GRIN3A: variants seen among roughly 807,000 people sequenced by gnomAD.
GRIN3A encodes the protein glutamate receptor ionotropic, NMDA 3A.
GRIN3A carries 47 observed loss-of-function variants against 92.4 expected under a neutral mutation model. The ratio of observed to expected loss-of-function variants is 0.51; its 90% confidence interval spans 0.40 to 0.65. The LOEUF (loss-of-function observed/expected upper bound fraction) is 0.65. GRIN3A is among the 30% of genes least tolerant of loss of function. The pLI is 0.00. For missense variants in GRIN3A, 1,324 were observed against 1,393.1 expected, an observed-to-expected ratio of 0.95 and a Z score of 0.79; for synonymous variants, 527 against 540.6, an observed-to-expected ratio of 0.97 and a Z score of 0.35.
chr9:101,604,544 C>T (rs183926505), intron 6 of GRIN3A, among the ~76,000 whole-genome samples: 20 of 152,268 alleles, frequency 1.3e-4, no homozygotes, highest in Middle Eastern at 3.4e-3. Flanking sequence ...TTGATATACA[C>T]GAGTTTTCAA....
intron 6 of GRIN3A, among the ~76,000 whole-genome samples, chr9:101,590,389 TTTA>T (rs879450311): frequency 1.5e-3 from 211 of 141,420 alleles, no homozygotes; most frequent in Non-Finnish European, 2.4e-3. Context: ...TATTTATTTA[TTTA>T]TTTTTTTGAG....
intron 3 of GRIN3A, among the ~76,000 whole-genome samples, chr9:101,639,289 T>G (rs1828822873): frequency 6.6e-6 from 1 of 152,000 alleles, no homozygotes; most frequent in African/African-American, 2.4e-5. Flanking sequence ...TTGTCAGGAC[T>G]GGGGCTGAAC....
At chr9:101,714,108 G>T (rs902984287) in intron 1 of GRIN3A, among the ~76,000 whole-genome samples, 3 of 151,998 alleles carry the variant, frequency 2.0e-5, no homozygotes, top group Admixed American at 2.0e-4. Context: ...GAAACTAAAC[G>T]CTGTAGAACA....
intron 6 of GRIN3A, among the ~76,000 whole-genome samples, chr9:101,596,780 G>C (rs1828139175): frequency 6.6e-6 from 1 of 152,214 alleles, no homozygotes; most frequent in Admixed American, 6.5e-5. Context: ...TTTGTTGGAA[G>C]AATCTCACAT....
chr9:101,647,139 T>C (rs2118910092), intron 3 of GRIN3A, among the ~76,000 whole-genome samples: 1 of 152,066 alleles, frequency 6.6e-6, no homozygotes, highest in East Asian at 1.9e-4. Context: ...GTCTGTCATA[T>C]ACGGCTTTTG....
intron 3 of GRIN3A, among the ~76,000 whole-genome samples, chr9:101,642,833 T>G (rs145797665): frequency 7.5e-4 from 114 of 152,262 alleles, no homozygotes; most frequent in African/African-American, 2.6e-3. Context: ...TATGAGAATC[T>G]AATGATTCTG....
rs775690934 is a variant in GRIN3A, at chr9:101,670,317, T to C, written c.2095A>G (p.Ser699Gly). 2 of 1,614,042 alleles carry C rather than the reference T, an allele frequency of 1.2e-6. No individual in the cohort carries two copies. Among genetic ancestry groups the C allele is most frequent in the Non-Finnish European group, 1.7e-6 (2 of 1,179,958 alleles). ...CCCTTGGGAGTCAAACCAAATGGAC[T>C]CTTCCATTCATACAGAGTGAGGAAG... ...AVFLTLYEWKSPFGLTPKGRN... is the reference protein window; with the variant it reads ...AVFLTLYEWKGPFGLTPKGRN... The change falls in exon 3 of 9, where the codon AGT (serine) becomes GGT (glycine). Residue 699 changes from serine (S) to glycine (G), a missense_variant. Transcript: ENST00000361820.
intron 1 of GRIN3A, among the ~76,000 whole-genome samples, chr9:101,708,033 A>G (rs1036924398): frequency 2.6e-5 from 4 of 152,178 alleles, no homozygotes; most frequent in Non-Finnish European, 4.4e-5. Context: ...TGTGGGGGGT[A>G]AGGGCCAGTC....
chr9:101,575,172 C>T (rs1185389171), intron 8 of GRIN3A, among the ~76,000 whole-genome samples: 1 of 152,158 alleles, frequency 6.6e-6, no homozygotes, highest in Non-Finnish European at 1.5e-5. Context: ...CTTTAACATG[C>T]CTCATAGTCT....
intron 3 of GRIN3A, among the ~76,000 whole-genome samples, chr9:101,628,623 T>TACAAA (rs1170242039): frequency 5.3e-5 from 8 of 152,098 alleles, no homozygotes; most frequent in Non-Finnish European, 8.8e-5. Flanking sequence ...AAACAAAAAA[T>TACAAA]ACAAAACAAT....
chr9:101,615,055 T>C (rs1251386574), intron 5 of GRIN3A, among the ~76,000 whole-genome samples: 2 of 152,092 alleles, frequency 1.3e-5, no homozygotes, highest in Non-Finnish European at 1.5e-5. Context: ...AGAGTTTTAT[T>C]AGTCAGCTTA....
chr9:101,638,873 T>C (rs921539468), intron 3 of GRIN3A, among the ~76,000 whole-genome samples: 2 of 152,190 alleles, frequency 1.3e-5, no homozygotes, highest in African/African-American at 4.8e-5. Context: ...AAATGGCTAA[T>C]TGAAAGAGTT....
intron 3 of GRIN3A, among the ~76,000 whole-genome samples, chr9:101,633,129 G>A (rs914542515): frequency 7.2e-5 from 11 of 152,084 alleles, no homozygotes; most frequent in Admixed American, 2.0e-4. Context: ...GCGAACTCGG[G>A]AAATAATCAA....
chr9:101,688,911 C>G (rs1390384165), intron 1 of GRIN3A, among the ~76,000 whole-genome samples: 2 of 152,060 alleles, frequency 1.3e-5, no homozygotes, highest in Non-Finnish European at 2.9e-5. Context: ...GTGACAAGAT[C>G]AGATGTGAGA....
chr9:101,594,437 A>C, intron 6 of GRIN3A: 1 of 1,610,872 alleles, frequency 6.2e-7, no homozygotes, highest in Non-Finnish European at 8.5e-7. Flanking sequence ...CTTCTTGTGG[A>C]TCTCCAGGTC....
intron 4 of GRIN3A, among the ~76,000 whole-genome samples, chr9:101,625,312 C>T (rs1243281165): frequency 6.6e-6 from 1 of 152,116 alleles, no homozygotes; most frequent in Non-Finnish European, 1.5e-5. Flanking sequence ...TCTCTTAGAT[C>T]CAGTGGTGAG....
At chr9:101,732,182 G>A (rs1366194790) in intron 1 of GRIN3A, among the ~76,000 whole-genome samples, 1 of 152,164 alleles carries the variant, frequency 6.6e-6, no homozygotes, top group African/African-American at 2.4e-5. Flanking sequence ...ATATATCCAT[G>A]ATGAGATAAG....
rs541925051 is a variant in GRIN3A, at chr9:101,571,306, A to G, written c.*1868T>C. The G allele has an allele frequency of 6.6e-6, 1 of 152,114 alleles. No individual in the cohort carries two copies. Among genetic ancestry groups the G allele is most frequent in the Non-Finnish European group, 1.5e-5 (1 of 68,030 alleles). The allele number at this position is 152,114 out of a possible 1,614,324, so 9.4% of individuals were successfully genotyped here. A position where few individuals can be genotyped will look rare whatever the true frequency, so the allele number is the denominator to read the frequency against. On this transcript the variant is annotated 3_prime_UTR_variant, in exon 9 of 9. Transcript: ENST00000361820. Reference sequence around the variant, plus strand: ...CCAGGGTTTTCTCAGCCAATTAATCACTAGGTGTTATCTAACTACAGCTTA... The same window carrying G: ...CCAGGGTTTTCTCAGCCAATTAATCGCTAGGTGTTATCTAACTACAGCTTA...
rs150794114 is a variant in GRIN3A, at chr9:101,697,982, G to A, written c.700-10782C>T. Among the ~76,000 whole-genome samples, 1,014 of 152,258 alleles carry A rather than the reference G, an allele frequency of 6.7e-3. 9 individuals carry two copies. The highest frequency in any genetic ancestry group is 8.7e-3 in the Non-Finnish European group (594 of 68,020). ...AACATGCACACTCCAACACCTCTCT[G>A]TAATGCTTAAGCCACACATAATTGC... On this transcript the variant is annotated intron_variant, in intron 1 of 8. Coordinates refer to ENST00000361820, the MANE Select transcript of GRIN3A (RefSeq NM_133445.3).
Sources: allele counts gnomAD v4.1 joint callset (sites outside exome capture counted in the v4.1 genomes callset), GRCh38; gene constraint gnomAD v4.1.1; transcripts MANE v1.5; gene names NCBI Gene and HGNC (gene_info 2026-07-23, HGNC 2026-07-21).